COL5A1: variants seen among roughly 807,000 people sequenced by gnomAD.
COL5A1 encodes the protein collagen alpha-1(V) chain.
A neutral mutation model predicts 263.7 loss-of-function variants in COL5A1; 16 were observed. The ratio of observed to expected loss-of-function variants is 0.06; its 90% CI spans 0.04 to 0.09. The LOEUF is 0.09. Ranked by LOEUF, COL5A1 falls within the 10% of genes least tolerant of loss-of-function variation. The probability of loss-of-function intolerance (pLI) is 1.00; values close to 1 mark genes in which losing one functional copy is unlikely to be tolerated. For synonymous variants in COL5A1, 1,012 were observed against 1,004.5 expected (o/e 1.01, Z -0.14); for missense variants, 2,036 against 2,540.5 (o/e 0.80, Z 4.27).
chr9:134,760,213 A>T (rs1836286203), intron 18 of COL5A1, among the ~76,000 whole-genome samples: 1 of 108,262 alleles, frequency 9.2e-6, no homozygotes, highest in African/African-American at 3.6e-5. Context: ...TCATACACAC[A>T]TGCACACACC....
In COL5A1 at chr9:134,681,222, C is replaced by T. The variant is rs1159225933; in HGVS notation, c.110-9690C>T. On this transcript the variant is annotated intron_variant, in intron 1 of 65. Coordinates refer to ENST00000371817, the MANE Select transcript of COL5A1 (RefSeq NM_000093.5). This position sits in a 1 kb window ranked among gnomAD's most constrained non-coding sequence, Gnocchi z 4.3. ...GACCCTCCCTGGTGGCTCGATGGCTCGGCCCTCAGCCCGGCCCTTCAAGAA... is the reference window on the plus strand; with the variant it reads ...GACCCTCCCTGGTGGCTCGATGGCTTGGCCCTCAGCCCGGCCCTTCAAGAA... Among the ~76,000 whole-genome samples the T allele has an allele frequency of 2.0e-5, 3 of 152,204 alleles. No individual in the cohort carries two copies. Among genetic ancestry groups the T allele is most frequent in the South Asian group, 4.1e-4 (2 of 4,834 alleles).
intron 1 of COL5A1, among the ~76,000 whole-genome samples, chr9:134,674,744 G>A (rs765633976): frequency 1.1e-4 from 16 of 152,122 alleles, no homozygotes; most frequent in African/African-American, 3.9e-4. Flanking sequence ...AAGTTAGCTG[G>A]GTATAGTGGC....
At position 134,727,668 on chromosome 9, in the gene COL5A1, G is replaced by C. The variant is rs3128587; in HGVS notation, c.786+271G>C. 0.4 allele frequency among the ~76,000 whole-genome samples: 61,205 copies of C among 152,016 alleles called. 13,529 individuals carry two copies. Among genetic ancestry groups the C allele is most frequent in the Admixed American group, 0.58 (8,810 of 15,300 alleles). Reference sequence around the variant, plus strand: ...TGGTGAATGCCCAGTGCTCTCTCACGCTTGGGCTTGACCTTGATGGGGTAT... The same window carrying C: ...TGGTGAATGCCCAGTGCTCTCTCACCCTTGGGCTTGACCTTGATGGGGTAT... On this transcript the variant is annotated intron_variant, in intron 5 of 65. Coordinates refer to ENST00000371817, the MANE Select transcript of COL5A1 (RefSeq NM_000093.5).
intron 39 of COL5A1, among the ~76,000 whole-genome samples, chr9:134,803,559 C>A (rs1017891859): frequency 6.6e-6 from 1 of 152,122 alleles, no homozygotes; most frequent in Non-Finnish European, 1.5e-5. Flanking sequence ...CGCTTGAACC[C>A]GGGAGGCGGA....
At chr9:134,826,654 C>CTGGTGTGTGGGTGTGTATGGG (rs778708306) in intron 63 of COL5A1, among the ~76,000 whole-genome samples, 5 of 146,782 alleles carry the variant, frequency 3.4e-5, no homozygotes, top group African/African-American at 1.0e-4. Flanking sequence ...GTGCATGTGG[C>CTGGTGTGTGGGTGTGTATGGG]TGGTGGATGG....
chr9:134,790,477 CCCAT>C (rs1837641218), intron 32 of COL5A1, among the ~76,000 whole-genome samples: 1 of 82,316 alleles, frequency 1.2e-5, no homozygotes, highest in African/African-American at 5.9e-5. Flanking sequence ...CACCCACCCA[CCCAT>C]CCACCCATCC....
At position 134,801,286 on chromosome 9, in the gene COL5A1, G is replaced by A. The variant is rs180830972; in HGVS notation, c.2953-668G>A. 4.7e-4 allele frequency among the ~76,000 whole-genome samples: 72 copies of A among 152,358 alleles called. No individual in the cohort carries two copies. In the East Asian group the frequency reaches 0.014, roughly 29 times the overall value. ...GAGCACGCGGGCAGAGTCACCCGTCGTGCATCAGAGGCGTTCACGCCAAAG... is the reference window on the plus strand; with the variant it reads ...GAGCACGCGGGCAGAGTCACCCGTCATGCATCAGAGGCGTTCACGCCAAAG... On this transcript the variant is annotated intron_variant, in intron 37 of 65. Transcript: ENST00000371817.
At chr9:134,654,889 G>A (rs111163071) in intron 1 of COL5A1, among the ~76,000 whole-genome samples, 12 of 135,106 alleles carry the variant, frequency 8.9e-5, no homozygotes, top group African/African-American at 2.8e-4. Context: ...GGTGTGTAGG[G>A]CTGGGGGTGT....
At chr9:134,699,731 G>A (rs1247205349) in intron 2 of COL5A1, among the ~76,000 whole-genome samples, 178 bp from the exon 3 acceptor site, 1 of 152,224 alleles carries the variant, frequency 6.6e-6, no homozygotes, top group Non-Finnish European at 1.5e-5. Flanking sequence ...CCAAGTGGGA[G>A]CAGGGAAGGG....
intron 18 of COL5A1, among the ~76,000 whole-genome samples, chr9:134,759,826 ACACCCCCCCACTCACGCACACCCC>A (rs1836223191): frequency 1.7e-5 from 1 of 59,050 alleles, no homozygotes; most frequent in Non-Finnish European, 2.8e-5. Context: ...ATACACACCC[ACACCCCCCCACTCACGCACACCCC>A]CACACCCCCA....
In COL5A1 at chr9:134,811,514, C is replaced by T. The variant is rs1198718473; in HGVS notation, c.3605C>T (p.Pro1202Leu). Residue 1202 changes from proline to leucine, a missense_variant, in exon 46 of 66, where the codon CCT becomes CTT. By Grantham distance (98) the Pro-to-Leu change is moderately conservative. Around this residue, in one of 3 missense-constraint regions of COL5A1, gnomAD observed 1,078 missense variants for 1,521.4 expected, o/e 0.71. Coordinates refer to ENST00000371817, the MANE Select transcript of COL5A1 (RefSeq NM_000093.5). ...GPSGADGEPG[P>L]RGQQGLFGQK... ...CAGGGAGCTGACGGCGAGCCGGGGC[C>T]TCGGGGCCAGCAGGGCCTTTTCGGG... 9 of 1,610,586 alleles carry T rather than the reference C, an allele frequency of 5.6e-6. No individual in the cohort carries two copies. The highest frequency in any genetic ancestry group is 3.3e-4 in the Middle Eastern group (2 of 6,080).
rs1839081587 is a variant in COL5A1, at chr9:134,822,985, CCT to C, written c.4609-6_4609-5del. ...ACCCGGCTTGCTGACGTTCTGCCCT[CCT>C]CTCTCTGCAGGGTCCGCCTGGTCCA... On this transcript the variant is annotated splice_polypyrimidine_tract_variant and intron_variant, in intron 59 of 65. Coordinates refer to ENST00000371817, the MANE Select transcript of COL5A1 (RefSeq NM_000093.5). 6.2e-7 allele frequency: 1 copy of C among 1,614,096 alleles called. No homozygotes were observed. Among genetic ancestry groups the C allele is most frequent in the Non-Finnish European group, 8.5e-7 (1 of 1,180,006 alleles).
chr9:134,650,348 G>T (rs1271942934), intron 1 of COL5A1, among the ~76,000 whole-genome samples: 1 of 152,000 alleles, frequency 6.6e-6, no homozygotes, highest in Non-Finnish European at 1.5e-5. Flanking sequence ...GGTGGCCTGG[G>T]GGACCAGCAC....
chr9:134,803,076 T>C lies in COL5A1; in HGVS notation c.3114+81T>C, dbSNP rs1057146875. ...GGACTTTGTGTTTTTCTTGCCCTTT[T>C]CTGATGAATGGGTAATTCGTCAAAC... On this transcript the variant is annotated intron_variant, in intron 39 of 65. Coordinates refer to ENST00000371817, the MANE Select transcript of COL5A1 (RefSeq NM_000093.5). 1.1e-5 allele frequency: 12 copies of C among 1,111,938 alleles called. No individual in the cohort carries two copies. The African/African-American group carries it at 1.9e-4, about 17-fold the overall frequency. 68.9% of individuals were successfully genotyped at this position (1,111,938 alleles called of 1,614,324 possible).
chr9:134,754,049 G>A lies in COL5A1; in HGVS notation c.1773+146G>A, dbSNP rs144431377. 1,540 of 834,116 alleles carry A rather than the reference G, an allele frequency of 1.8e-3. 22 individuals carry two copies. In the African/African-American group the frequency reaches 0.023, roughly 12 times the overall value. The allele number at this position is 834,116 out of a possible 1,614,324, so 51.7% of individuals were successfully genotyped here. On this transcript the variant is annotated intron_variant, in intron 15 of 65. Coordinates refer to ENST00000371817, the MANE Select transcript of COL5A1 (RefSeq NM_000093.5). The surrounding 1 kb of genome is among the most constrained non-coding windows in gnomAD (Gnocchi z 4.3). ...CTTGCTTTACGCAGTGCTGAGGGTGGAGCACAATGAACTCTGACACCTGCG... is the reference window on the plus strand; with the variant it reads ...CTTGCTTTACGCAGTGCTGAGGGTGAAGCACAATGAACTCTGACACCTGCG...
rs770761070 is a variant in COL5A1, at chr9:134,753,865, G to A, written c.1735G>A (p.Gly579Arg). 24 of 1,613,182 alleles carry A rather than the reference G, an allele frequency of 1.5e-5. No homozygotes were observed. Among genetic ancestry groups the A allele is most frequent in the Admixed American group, 1.0e-4 (6 of 59,942 alleles). ...GTCTCCCTAGGGTCCCCCTGGGAGC[G>A]GAGGTTTGAAGGGCGAGCCGGGAGA... Reference protein sequence around the residue: ...RPGPVGPPGSGGLKGEPGDVG... With the variant: ...RPGPVGPPGSRGLKGEPGDVG... Residue 579 changes from glycine (G) to arginine (R), a missense_variant, in exon 15 of 66, where the codon GGA (glycine) becomes AGA (arginine). Gly to Arg is a moderately radical substitution (Grantham distance 125). Coordinates refer to ENST00000371817, the MANE Select transcript of COL5A1 (RefSeq NM_000093.5).
Position 134,742,837 on chromosome 9 carries a change from C to T in COL5A1, c.1494+4029C>T, listed in dbSNP as rs187961637. ...GTGGCAGTGCCGTGCCCCTGTGGGT[C>T]GCTGAGCAGTGTTTGCCCAGCGAAG... On this transcript the variant is annotated intron_variant, in intron 11 of 65. Transcript: ENST00000371817. The surrounding 1 kb of genome is among the most constrained non-coding windows in gnomAD (Gnocchi z 4.6). 3.3e-5 allele frequency among the ~76,000 whole-genome samples: 5 copies of T among 152,300 alleles called. No individual in the cohort carries two copies. The highest frequency in any genetic ancestry group is 4.8e-5 in the African/African-American group (2 of 41,570).
At chr9:134,769,932 C>T (rs11103517) in intron 25 of COL5A1, among the ~76,000 whole-genome samples, 5,880 of 152,310 alleles carry the variant, frequency 0.039, 156 homozygotes, top group Non-Finnish European at 0.057. Flanking sequence ...CTGGAATTCC[C>T]CTCCCCATGT....
intron 4 of COL5A1, among the ~76,000 whole-genome samples, chr9:134,708,291 T>C (rs1218503682): frequency 6.6e-6 from 1 of 152,120 alleles, no homozygotes; most frequent in East Asian, 1.9e-4. Context: ...CCAGGCAGCA[T>C]GGATAGGCCA....
Sources: allele counts gnomAD v4.1 joint callset (sites outside exome capture counted in the v4.1 genomes callset), GRCh38; gene constraint gnomAD v4.1.1; regional missense constraint gnomAD v4.1.1; non-coding constraint Gnocchi (gnomAD v3.1); transcripts MANE v1.5; gene names NCBI Gene and HGNC (gene_info 2026-07-23, HGNC 2026-07-21).